The following KATNIP variants were observed in gnomAD, a reference collection of about 807,000 sequenced individuals.
KATNIP encodes katanin-interacting protein.
Under a neutral mutation model 174.0 loss-of-function variants are expected in KATNIP, and 126 were observed. That is an observed-to-expected ratio of 0.72 (90% CI 0.63 to 0.84). The LOEUF is 0.84. Ranked by LOEUF, KATNIP falls within the 40% of genes least tolerant of loss-of-function variation. KATNIP has a pLI of 0.00. For synonymous variants in KATNIP, 810 were observed against 835.7 expected (o/e 0.97, Z 0.53); for missense variants, 1,958 against 2,109.7 (o/e 0.93, Z 1.41).
At position 27,740,858 on chromosome 16, in the gene KATNIP, G is replaced by T; in HGVS notation, c.2561G>T (p.Arg854Met). 6.2e-7 allele frequency: 1 copy of T among 1,611,044 alleles called. No homozygotes were observed. Among genetic ancestry groups the T allele is most frequent in the Middle Eastern group, 1.7e-4 (1 of 6,044 alleles). Residue 854 changes from arginine (R) to methionine (M), a missense_variant, in exon 15 of 28, where the codon AGG becomes ATG. Transcript: ENST00000261588. ...PPNRERPASGRRGSRKDAGSS... is the reference protein window; with the variant it reads ...PPNRERPASGMRGSRKDAGSS... Reference sequence around the variant, plus strand: ...AACAGAGAGCGCCCTGCTAGTGGGAGGAGGGGCTCAAGGAAGGATGCTGGC... The same window carrying T: ...AACAGAGAGCGCCCTGCTAGTGGGATGAGGGGCTCAAGGAAGGATGCTGGC...
At chr16:27,599,508 G>A (rs147569043) in intron 2 of KATNIP, among the ~76,000 whole-genome samples, 1 of 152,174 alleles carries the variant, frequency 6.6e-6, no homozygotes, top group East Asian at 1.9e-4. Flanking sequence ...ATGGTGCCCC[G>A]TCCCTCCAAT....
intron 8 of KATNIP, among the ~76,000 whole-genome samples, chr16:27,683,915 C>G (rs1332725195): frequency 6.6e-6 from 1 of 152,150 alleles, no homozygotes; most frequent in Non-Finnish European, 1.5e-5. Flanking sequence ...AGAAGTTCCT[C>G]CAAAACAAGT....
chr16:27,585,094 C>T (rs1014013835), intron 2 of KATNIP, among the ~76,000 whole-genome samples: 1 of 152,138 alleles, frequency 6.6e-6, no homozygotes, highest in African/African-American at 2.4e-5. Context: ...GCAATGACTG[C>T]CAGGTAAATG....
intron 6 of KATNIP, chr16:27,659,959 A>G: frequency 2.0e-6 from 2 of 978,000 alleles, no homozygotes; most frequent in Non-Finnish European, 2.4e-6. Flanking sequence ...CCCACTACCT[A>G]TTGTACAACA....
chr16:27,678,260 A>G (rs370011846), intron 7 of KATNIP, among the ~76,000 whole-genome samples: 27 of 152,340 alleles, frequency 1.8e-4, no homozygotes, highest in South Asian at 8.3e-4. Flanking sequence ...TGCAGCATCT[A>G]CATACCAGTT....
intron 15 of KATNIP, among the ~76,000 whole-genome samples, chr16:27,746,644 C>T (rs1414675151): frequency 6.6e-6 from 1 of 152,202 alleles, no homozygotes; most frequent in Admixed American, 6.5e-5. Context: ...AAGGCCTCTC[C>T]AAGGAGGCGG....
chr16:27,565,038 A>G (rs2090031951), intron 1 of KATNIP, among the ~76,000 whole-genome samples: 1 of 150,678 alleles, frequency 6.6e-6, no homozygotes, highest in Non-Finnish European at 1.5e-5. Flanking sequence ...TGCTGGGATT[A>G]TAGGTGTGAG....
intron 15 of KATNIP, among the ~76,000 whole-genome samples, chr16:27,744,545 C>T (rs1037876073): frequency 2.0e-5 from 3 of 152,048 alleles, no homozygotes; most frequent in Admixed American, 6.6e-5. Context: ...GATCACACCA[C>T]GGCACTCCAG....
At chr16:27,639,393 A>G (rs1405946637) in intron 5 of KATNIP, among the ~76,000 whole-genome samples, 3 of 152,136 alleles carry the variant, frequency 2.0e-5, no homozygotes, top group Non-Finnish European at 2.9e-5. Context: ...TTATGCTGCT[A>G]TCTGTGGATT....
intron 2 of KATNIP, among the ~76,000 whole-genome samples, chr16:27,597,659 C>T (rs1457504000): frequency 3.3e-5 from 5 of 152,026 alleles, no homozygotes; most frequent in African/African-American, 7.2e-5. Context: ...CAGGCACCTG[C>T]GTGGCTTTCT....
At chr16:27,716,402 G>T (rs551087566) in intron 13 of KATNIP, among the ~76,000 whole-genome samples, 394 of 152,022 alleles carry the variant, frequency 2.6e-3, no homozygotes, top group Non-Finnish European at 4.5e-3. Context: ...AAAACCTTGT[G>T]AATATACTAA....
intron 14 of KATNIP, among the ~76,000 whole-genome samples, chr16:27,725,429 G>T (rs1293276863): frequency 2.6e-5 from 4 of 152,164 alleles, no homozygotes; most frequent in African/African-American, 7.2e-5. Context: ...TCGAGGAAAG[G>T]GTGTGATGAT....
At chr16:27,765,237 G>C (rs923266869) in intron 19 of KATNIP, among the ~76,000 whole-genome samples, 4 of 152,222 alleles carry the variant, frequency 2.6e-5, no homozygotes, top group Non-Finnish European at 4.4e-5. Context: ...CCAGAGCCAC[G>C]AGGACAAGGG....
intron 5 of KATNIP, among the ~76,000 whole-genome samples, chr16:27,638,309 G>A (rs1052022169): frequency 1.3e-5 from 2 of 152,200 alleles, no homozygotes; most frequent in Non-Finnish European, 2.9e-5. Flanking sequence ...AGAGTGAATA[G>A]ACTGGGGGTG....
chr16:27,610,376 C>G (rs916762), intron 2 of KATNIP, among the ~76,000 whole-genome samples: 125,817 of 152,116 alleles, frequency 0.83, 52,278 homozygotes, highest in East Asian at 1. Context: ...GAAGATGACT[C>G]CAAGGATTGG....
chr16:27,684,738 C>T (rs556330415), intron 8 of KATNIP, among the ~76,000 whole-genome samples: 1 of 152,214 alleles, frequency 6.6e-6, no homozygotes, highest in Non-Finnish European at 1.5e-5. Flanking sequence ...TCTGACAGTT[C>T]CTTGGCTTGT....
chr16:27,741,504 G>T (rs2081108493), intron 15 of KATNIP, among the ~76,000 whole-genome samples: 1 of 152,206 alleles, frequency 6.6e-6, no homozygotes, highest in Non-Finnish European at 1.5e-5. Flanking sequence ...TTGCCTGAGT[G>T]TTGGAAGTGG....
intron 14 of KATNIP, among the ~76,000 whole-genome samples, chr16:27,735,543 C>T (rs998466495): frequency 2.6e-5 from 4 of 152,234 alleles, no homozygotes; most frequent in Admixed American, 2.6e-4. Context: ...TCACAGCACG[C>T]ACTTGCTCTG....
At chr16:27,729,061 G>A (rs1259609320) in intron 14 of KATNIP, among the ~76,000 whole-genome samples, 1 of 152,198 alleles carries the variant, frequency 6.6e-6, no homozygotes, top group African/African-American at 2.4e-5. Flanking sequence ...TATTTTATCA[G>A]CCAGGATTCT....
Sources: gnomAD v4.1 joint callset for allele counts (sites outside exome capture counted in the v4.1 genomes callset) on GRCh38, gnomAD v4.1.1 for gene constraint, MANE v1.5 for transcripts, NCBI Gene and HGNC (gene_info 2026-07-23, HGNC 2026-07-21) for gene names.